UVRAG: variants seen among roughly 807,000 people sequenced by gnomAD.
UVRAG encodes the protein UV radiation resistance associated.
A neutral mutation model predicts 78.0 loss-of-function variants in UVRAG; 19 were observed. That is an observed-to-expected ratio of 0.24 (90% confidence interval 0.17 to 0.36). The LOEUF (loss-of-function observed/expected upper bound fraction) is 0.36, where lower values mean the gene tolerates loss of function less well. Among genes scored for constraint, UVRAG ranks in the 10% least tolerant of loss-of-function variants. The pLI is 1.00. For synonymous variants in UVRAG, 323 were observed against 324.6 expected (o/e 1.00, Z 0.05); for missense variants, 740 against 853.8 (o/e 0.87, Z 1.66).
At chr11:75,944,359 G>C (rs887409137) in intron 6 of UVRAG, among the ~76,000 whole-genome samples, 1 of 152,094 alleles carries the variant, frequency 6.6e-6, no homozygotes, top group African/African-American at 2.4e-5. Context: ...TGTTTGATAA[G>C]GTATGTCAGG....
At chr11:76,045,127 G>C (rs180752877) in intron 12 of UVRAG, among the ~76,000 whole-genome samples, 1 of 152,176 alleles carries the variant, frequency 6.6e-6, no homozygotes. Context: ...AAAACCTGAT[G>C]TTTACTCTAG....
chr11:76,011,140 C>G (rs944311152), intron 11 of UVRAG, among the ~76,000 whole-genome samples: 5 of 152,150 alleles, frequency 3.3e-5, no homozygotes, highest in South Asian at 2.1e-4. Context: ...CAATGCCCAA[C>G]AAGCTGAATA....
chr11:76,058,038 C>A (rs554013970), intron 12 of UVRAG, among the ~76,000 whole-genome samples: 1 of 152,054 alleles, frequency 6.6e-6, no homozygotes, highest in East Asian at 1.9e-4. Context: ...TCATAGCCAA[C>A]CAAGAACTGG....
chr11:76,140,061 C>CT (rs1491240522), intron 14 of UVRAG, among the ~76,000 whole-genome samples: 3 of 20,862 alleles, frequency 1.4e-4, no homozygotes, highest in African/African-American at 6.4e-4. Context: ...CTCTCTCTCT[C>CT]CCTCCCTCCC....
At chr11:75,935,235 T>C (rs573389842) in intron 6 of UVRAG, among the ~76,000 whole-genome samples, 5 of 152,202 alleles carry the variant, frequency 3.3e-5, no homozygotes, top group Non-Finnish European at 5.9e-5. Context: ...ATATTGTTCA[T>C]ACAATTAAAA....
intron 6 of UVRAG, 70 bp downstream of exon 6, chr11:75,912,109 G>A (rs1947752946): frequency 8.5e-7 from 1 of 1,179,010 alleles, no homozygotes; most frequent in African/African-American, 1.5e-5. Flanking sequence ...ACATTTCAAT[G>A]TGAGAAAATT....
intron 14 of UVRAG, among the ~76,000 whole-genome samples, chr11:76,129,253 A>G (rs976652060): frequency 3.3e-5 from 5 of 152,228 alleles, no homozygotes; most frequent in Non-Finnish European, 5.9e-5. Flanking sequence ...TCCTATAACT[A>G]TGTTAAGAAT....
intron 13 of UVRAG, among the ~76,000 whole-genome samples, chr11:76,103,206 T>C (rs1951908809): frequency 6.6e-6 from 1 of 152,172 alleles, no homozygotes; most frequent in Non-Finnish European, 1.5e-5. Context: ...GTGATTAGAC[T>C]GTCCCACCAA....
intron 6 of UVRAG, among the ~76,000 whole-genome samples, chr11:75,933,349 A>G (rs1948284811): frequency 6.6e-6 from 1 of 152,202 alleles, no homozygotes. Context: ...CCATATAAAA[A>G]ATTAAATCAA....
intron 7 of UVRAG, among the ~76,000 whole-genome samples, chr11:75,977,353 G>A (rs928392103): frequency 5.3e-5 from 8 of 152,184 alleles, no homozygotes; most frequent in African/African-American, 1.7e-4. Context: ...CTGTTGATTT[G>A]GGGTGGAGAG....
At chr11:75,865,461 G>C (rs1483004403) in intron 3 of UVRAG, among the ~76,000 whole-genome samples, 1 of 152,108 alleles carries the variant, frequency 6.6e-6, no homozygotes, top group African/African-American at 2.4e-5. Context: ...CAGTACAGTT[G>C]CCACTGGCCA....
chr11:75,879,960 T>C lies in UVRAG; in HGVS notation c.352T>C (p.Trp118Arg). The C allele has an allele frequency of 2.5e-6, 4 of 1,614,146 alleles. No individual in the cohort carries two copies. The highest frequency in any genetic ancestry group is 1.3e-5 in the African/African-American group (1 of 75,038). The change falls in exon 4 of 15, where the codon TGG becomes CGG. Residue 118 changes from tryptophan to arginine, a missense_variant. Transcript: ENST00000356136. ...TSVSCFVVKIWGGKENIYQLL... is the reference protein window; with the variant it reads ...TSVSCFVVKIRGGKENIYQLL... Reference sequence around the variant, plus strand: ...TGTGTCTTGTTTCGTGGTGAAGATATGGGGTGGAAAGGAGAACATCTACCA... The same window carrying C: ...TGTGTCTTGTTTCGTGGTGAAGATACGGGGTGGAAAGGAGAACATCTACCA...
intron 6 of UVRAG, among the ~76,000 whole-genome samples, chr11:75,955,605 A>G (rs1948779755): frequency 6.6e-6 from 1 of 152,150 alleles, no homozygotes; most frequent in Non-Finnish European, 1.5e-5. Flanking sequence ...CCTTACCCTA[A>G]TCAAGACATC....
Position 76,092,721 on chromosome 11 carries a change from G to C in UVRAG, c.1306-23203G>C, listed in dbSNP as rs570644623. 1.7e-3 allele frequency among the ~76,000 whole-genome samples: 264 copies of C among 152,204 alleles called. 1 individual carries two copies. The highest frequency in any genetic ancestry group is 6.1e-3 in the African/African-American group (253 of 41,522). ...TGTAAATTTGTTTGAGTTCTTTGTA[G>C]ATTCTGGATATTAGCCCTTTGTCAG... On this transcript the variant is annotated intron_variant, in intron 13 of 14. Coordinates refer to ENST00000356136, the MANE Select transcript of UVRAG (RefSeq NM_003369.4).
chr11:75,898,483 G>A (rs1312506153), intron 5 of UVRAG, among the ~76,000 whole-genome samples: 2 of 152,150 alleles, frequency 1.3e-5, no homozygotes, highest in Non-Finnish European at 2.9e-5. Context: ...ACCAGGCTCA[G>A]TAGCAGGCAT....
At chr11:75,842,084 C>T (rs1945925454) in intron 1 of UVRAG, among the ~76,000 whole-genome samples, 1 of 152,150 alleles carries the variant, frequency 6.6e-6, no homozygotes, top group African/African-American at 2.4e-5. Flanking sequence ...TTGGCTTCCT[C>T]ACAGTATAGT....
At chr11:76,076,913 A>C (rs1034696023) in intron 13 of UVRAG, among the ~76,000 whole-genome samples, 3 of 150,842 alleles carry the variant, frequency 2.0e-5, no homozygotes, top group Admixed American at 1.3e-4. Flanking sequence ...GCCACTTGGG[A>C]GGCTGAGATG....
intron 5 of UVRAG, among the ~76,000 whole-genome samples, chr11:75,907,892 A>G (rs2135012399): frequency 6.6e-6 from 1 of 152,230 alleles, no homozygotes; most frequent in Non-Finnish European, 1.5e-5. Context: ...ATAATCTTTA[A>G]AAAATTTTTT....
chr11:75,920,006 TG>T (rs1565380027), intron 6 of UVRAG, among the ~76,000 whole-genome samples: 18 of 134,594 alleles, frequency 1.3e-4, no homozygotes, highest in East Asian at 4.3e-4. Context: ...AAAATAATTT[TG>T]GTTTTTTTTT....
Sources: allele counts gnomAD v4.1 joint callset (sites outside exome capture counted in the v4.1 genomes callset), GRCh38; gene constraint gnomAD v4.1.1; transcripts MANE v1.5; gene names NCBI Gene and HGNC (gene_info 2026-07-23, HGNC 2026-07-21).